DYDC1: variants seen among roughly 807,000 people sequenced by gnomAD.
The protein encoded by DYDC1 is DPY30 domain-containing protein 1.
DYDC1 carries 21 observed loss-of-function variants against 27.9 expected under a neutral mutation model. The observed-to-expected ratio is 0.75, with a 90% CI of 0.53 to 1.08. The LOEUF (loss-of-function observed/expected upper bound fraction) is 1.08, where lower values mean the gene tolerates loss of function less well. Ranked by LOEUF, DYDC1 falls within the 50% of genes least tolerant of loss-of-function variation. DYDC1 has a pLI of 0.00. For synonymous variants in DYDC1, 67 were observed against 65.8 expected (o/e 1.02, Z -0.09); for missense variants, 202 against 205.9 (o/e 0.98, Z 0.12).
chr10:80,353,452 G>A (rs907119563), intron 1 of DYDC1, among the ~76,000 whole-genome samples: 2 of 150,106 alleles, frequency 1.3e-5, no homozygotes, highest in African/African-American at 4.9e-5. Flanking sequence ...GTGAGCCACC[G>A]CGCCTGGCCG....
At chr10:80,344,407 T>C (rs1842489917) in intron 3 of DYDC1, among the ~76,000 whole-genome samples, 1 of 152,226 alleles carries the variant, frequency 6.6e-6, no homozygotes, top group Non-Finnish European at 1.5e-5. Context: ...ACAAGGCACA[T>C]GATTCTGAGT....
intron 3 of DYDC1, among the ~76,000 whole-genome samples, chr10:80,345,679 G>A (rs1284720141): frequency 1.3e-5 from 2 of 151,916 alleles, no homozygotes; most frequent in Non-Finnish European, 2.9e-5. Context: ...TAGACAGCAT[G>A]TGGTATTTTT....
chr10:80,352,909 G>A lies in DYDC1; in HGVS notation c.-9-299C>T, dbSNP rs372798948. Among the ~76,000 whole-genome samples the A allele has an allele frequency of 4.3e-4, 65 of 152,194 alleles. No individual in the cohort carries two copies. In the Middle Eastern group the frequency reaches 0.01, roughly 24 times the overall value. On this transcript the variant is annotated intron_variant, in intron 1 of 6. Transcript: ENST00000372202. ...AGTTTACTTGATGCCAAGTAATGTG[G>A]GTCTCATGTAATCCTCACAACATAC...
intron 3 of DYDC1, among the ~76,000 whole-genome samples, chr10:80,343,073 G>A (rs1218747649): frequency 2.6e-5 from 4 of 151,696 alleles, no homozygotes; most frequent in Non-Finnish European, 4.4e-5. Flanking sequence ...CAGCATATCT[G>A]TCACACTAGA....
intron 1 of DYDC1, among the ~76,000 whole-genome samples, chr10:80,353,989 G>A (rs1036961727): frequency 2.6e-5 from 4 of 151,348 alleles, no homozygotes; most frequent in South Asian, 2.1e-4. Flanking sequence ...GGTGGCGGGC[G>A]CCTGTAGTCC....
intron 3 of DYDC1, among the ~76,000 whole-genome samples, chr10:80,350,801 T>A (rs770570670): frequency 2.0e-5 from 3 of 152,224 alleles, no homozygotes; most frequent in Non-Finnish European, 4.4e-5. Context: ...AAGCTCTCTA[T>A]AAATTAAATC....
intron 6 of DYDC1, chr10:80,337,939 C>T (rs1302244728): frequency 8.4e-6 from 3 of 357,924 alleles, no homozygotes; most frequent in Non-Finnish European, 1.2e-5. Flanking sequence ...TCCCACTAAC[C>T]ATGACTATTA....
In DYDC1 at chr10:80,342,451, C is replaced by T. The variant is rs966992573; in HGVS notation, c.250-90G>A. The T allele has an allele frequency of 4.3e-6, 5 of 1,175,410 alleles. No individual in the cohort carries two copies. The Admixed American group carries it at 9.7e-5, about 23-fold the overall frequency. The allele number at this position is 1,175,410 out of a possible 1,614,324, so 72.8% of individuals were successfully genotyped here. A position where few individuals can be genotyped will look rare whatever the true frequency, so the allele number is the denominator to read the frequency against. On this transcript the variant is annotated intron_variant, in intron 3 of 6. Transcript: ENST00000372202. Reference sequence around the variant, plus strand: ...ACCTTCATTTCAGAAACTTACAATACATGGTCACATCCAACTAATACTTTA... The same window carrying T: ...ACCTTCATTTCAGAAACTTACAATATATGGTCACATCCAACTAATACTTTA...
In DYDC1 at chr10:80,352,454, C is replaced by T. The variant is rs780011484; in HGVS notation, c.147+1G>A. On this transcript the variant is annotated splice_donor_variant, in intron 2 of 6. Transcript: ENST00000372202. LOFTEE classifies it high-confidence loss of function. ...TTTCCTAGAAGGAGATTCCTACTTACCAGTTGTTCCATGGTCACATTTTCC... is the reference window on the plus strand; with the variant it reads ...TTTCCTAGAAGGAGATTCCTACTTATCAGTTGTTCCATGGTCACATTTTCC... The T allele has an allele frequency of 1.4e-5, 22 of 1,594,942 alleles. No homozygotes were observed. The highest frequency in any genetic ancestry group is 1.8e-5 in the Non-Finnish European group (21 of 1,172,726).
At chr10:80,349,300 C>T (rs1484606567) in intron 3 of DYDC1, among the ~76,000 whole-genome samples, 2 of 152,142 alleles carry the variant, frequency 1.3e-5, no homozygotes, top group African/African-American at 2.4e-5. Flanking sequence ...CAATAGTAAA[C>T]CTATCTAATA....
chr10:80,354,566 T>C (rs1395031701), intron 1 of DYDC1: 2 of 151,820 alleles, frequency 1.3e-5, no homozygotes, highest in Admixed American at 6.6e-5. Flanking sequence ...CTATTGTGAA[T>C]TGAATATCTG....
At chr10:80,345,539 T>C (rs1345957932) in intron 3 of DYDC1, among the ~76,000 whole-genome samples, 2 of 152,162 alleles carry the variant, frequency 1.3e-5, no homozygotes, top group Non-Finnish European at 2.9e-5. Flanking sequence ...ACTACACAAT[T>C]GCAATTTTGT....
intron 6 of DYDC1, 138 bp downstream of exon 6, chr10:80,338,329 A>G: frequency 7.3e-7 from 1 of 1,378,582 alleles, no homozygotes; most frequent in Non-Finnish European, 9.3e-7. Flanking sequence ...CAGGGAACTG[A>G]TTTTCTTTCT....
chr10:80,337,393 A>C (rs1273366565), intron 6 of DYDC1: 5 of 985,302 alleles, frequency 5.1e-6, no homozygotes, highest in Non-Finnish European at 6.0e-6. Context: ...CATTTTCTGA[A>C]CAGCTCTTGA....
chr10:80,342,329 C>T lies in DYDC1; in HGVS notation c.282G>A (p.Met94Ile), dbSNP rs746310915. Residue 94 changes from methionine to isoleucine, a missense_variant, in exon 4 of 7, where the codon ATG becomes ATA. Physicochemically the swap from Met to Ile is conservative, Grantham distance 10 (BLOSUM62 1). Transcript: ENST00000372202. Reference protein sequence around the residue: ...QQLALQLELEMQEKERQRIQE... With the variant: ...QQLALQLELEIQEKERQRIQE... ...GTATTCTCTGCCTCTCCTTTTCTTG[C>T]ATTTCCAACTCTAGCTGCAATGCCA... The T allele has an allele frequency of 2.5e-6, 4 of 1,613,748 alleles. No individual in the cohort carries two copies. The highest frequency in any genetic ancestry group is 3.3e-5 in the Admixed American group (2 of 60,006).
Position 80,336,152 on chromosome 10 carries a change from G to T in DYDC1, c.*4C>A. On this transcript the variant is annotated 3_prime_UTR_variant, in exon 7 of 7. Transcript: ENST00000372202. The stretch of plus-strand genomic sequence containing the variant: ...AACATTTATTGCTCTTAGGTTGGTT[G>T]GTCCTACAAATCTTGATCAATGTTT... 2 of 1,484,604 alleles carry T rather than the reference G, an allele frequency of 1.3e-6. No homozygotes were observed. Among genetic ancestry groups the T allele is most frequent in the Non-Finnish European group, 1.9e-6 (2 of 1,078,864 alleles). The allele number at this position is 1,484,604 out of a possible 1,614,324, so 92.0% of individuals were successfully genotyped here. A position where few individuals can be genotyped will look rare whatever the true frequency, so the allele number is the denominator to read the frequency against.
At chr10:80,356,391 T>G in intron 1 of DYDC1, 1 of 985,636 alleles carries the variant, frequency 1.0e-6, no homozygotes, top group Non-Finnish European at 1.2e-6. Context: ...GCCAGCCAAC[T>G]GGGCGGGGGC....
chr10:80,356,463 G>A (rs1843374055), intron 1 of DYDC1: 1 of 985,358 alleles, frequency 1.0e-6, no homozygotes. Context: ...GCTCAGTGTG[G>A]TTTTCCCACC....
intron 3 of DYDC1, among the ~76,000 whole-genome samples, chr10:80,346,257 G>A (rs2132785458): frequency 6.6e-6 from 1 of 152,196 alleles, no homozygotes; most frequent in East Asian, 1.9e-4. Context: ...GTCTCTATAA[G>A]GTGCTGGTTT....
Sources: gnomAD v4.1 joint callset for allele counts (sites outside exome capture counted in the v4.1 genomes callset) on GRCh38, gnomAD v4.1.1 for gene constraint, MANE v1.5 for transcripts, NCBI Gene and HGNC (gene_info 2026-07-23, HGNC 2026-07-21) for gene names.